Variants in MAP4K5 observed in about 807,000 individuals in gnomAD.
MAP4K5 encodes MAPK/ERK kinase kinase kinase 5.
A neutral mutation model predicts 135.6 loss-of-function variants in MAP4K5; 82 were observed. The observed-to-expected ratio is 0.60, with a 90% confidence interval of 0.51 to 0.73. The LOEUF is 0.73. Ranked by LOEUF, MAP4K5 falls within the 30% of genes least tolerant of loss-of-function variation. MAP4K5 has a pLI of 0.00. For missense variants in MAP4K5, 907 were observed against 1,010.9 expected, an observed-to-expected ratio of 0.90 and a Z score of 1.39; for synonymous variants, 347 against 335.0, an observed-to-expected ratio of 1.04 and a Z score of -0.39.
intron 13 of MAP4K5, among the ~76,000 whole-genome samples, chr14:50,460,498 A>G (rs2036689227): frequency 6.6e-6 from 1 of 152,354 alleles, no homozygotes; most frequent in South Asian, 2.1e-4. Context: ...ATTGGAGAAT[A>G]GAGTAATATC....
Position 50,443,991 on chromosome 14 carries a change from C to T in MAP4K5, c.1385G>A (p.Gly462Glu), listed in dbSNP as rs1445047158. The change falls in exon 19 of 33, where the codon GGA becomes GAA. Residue 462 changes from glycine to glutamate, a missense_variant. This residue lies in a region of MAP4K5 where 690 missense variants were observed against 777.4 expected (regional missense o/e 0.89). Coordinates refer to ENST00000682126, the MANE Select transcript of MAP4K5 (RefSeq NM_006575.6). ...ISKLMSENTE[G>E]SAQAPQLPRK... ...TGGTAACTGTGGTGCTTGTGCTGATCCTTCTGTATTTTCACTCATCAGTTT... is the reference window on the plus strand; with the variant it reads ...TGGTAACTGTGGTGCTTGTGCTGATTCTTCTGTATTTTCACTCATCAGTTT... The T allele has an allele frequency of 1.9e-6, 3 of 1,608,418 alleles. No individual in the cohort carries two copies. The African/African-American group carries it at 4.0e-5, about 21-fold the overall frequency.
intron 31 of MAP4K5, among the ~76,000 whole-genome samples, chr14:50,424,769 A>G (rs2035810625): frequency 6.6e-6 from 1 of 151,892 alleles, no homozygotes. Context: ...TCAATATTTG[A>G]TACAGTAAGA....
chr14:50,504,714 T>G, intron 3 of MAP4K5, 86 bp downstream of exon 3: 1 of 962,532 alleles, frequency 1.0e-6, no homozygotes, highest in Non-Finnish European at 1.6e-6. Flanking sequence ...TGATAGAACA[T>G]ATAAAGACTT....
intron 32 of MAP4K5, 66 bp downstream of exon 32, chr14:50,423,055 C>T (rs1053613702): frequency 2.6e-5 from 18 of 688,290 alleles, no homozygotes; most frequent in Non-Finnish European, 3.7e-5. Flanking sequence ...TACAGACTGA[C>T]AGTATAATTA....
intron 31 of MAP4K5, among the ~76,000 whole-genome samples, chr14:50,423,507 T>C (rs1181922067): frequency 6.6e-6 from 1 of 152,062 alleles, no homozygotes; most frequent in Non-Finnish European, 1.5e-5. Context: ...AAGACTTGAA[T>C]ACAGGTTTGT....
intron 5 of MAP4K5, 98 bp downstream of exon 5, chr14:50,485,480 G>C: frequency 1.3e-6 from 1 of 742,370 alleles, no homozygotes; most frequent in Non-Finnish European, 2.3e-6. Context: ...ATGCAAAATA[G>C]TAAGTCTACC....
chr14:50,470,500 T>C lies in MAP4K5; in HGVS notation c.543-1718A>G, dbSNP rs375484467. Among the ~76,000 whole-genome samples the C allele has an allele frequency of 2.1e-4, 32 of 152,316 alleles. 1 individual carries two copies. The East Asian group carries it at 4.8e-3, about 23-fold the overall frequency. On this transcript the variant is annotated intron_variant, in intron 9 of 32. Transcript: ENST00000682126. ...CTCACCTATATCTTCATTTAACTTTTATTTAACTGATACTTATTGAGGCTT... is the reference window on the plus strand; with the variant it reads ...CTCACCTATATCTTCATTTAACTTTCATTTAACTGATACTTATTGAGGCTT...
At chr14:50,493,126 A>G (rs77564584) in intron 3 of MAP4K5, among the ~76,000 whole-genome samples, 2,635 of 152,204 alleles carry the variant, frequency 0.017, 72 homozygotes, top group African/African-American at 0.06. Context: ...TCAAGAGACA[A>G]GGTCTTGCTG....
At chr14:50,459,750 T>C (rs1174367934) in intron 13 of MAP4K5, among the ~76,000 whole-genome samples, 1 of 150,940 alleles carries the variant, frequency 6.6e-6, no homozygotes, top group Non-Finnish European at 1.5e-5. Context: ...CAGGTTGGAG[T>C]GCAGTGGCGC....
At chr14:50,436,136 C>A (rs1218531147) in intron 26 of MAP4K5, among the ~76,000 whole-genome samples, 1 of 152,150 alleles carries the variant, frequency 6.6e-6, no homozygotes, top group Non-Finnish European at 1.5e-5. Context: ...AAGTTAGGAA[C>A]TTAAGATCTG....
chr14:50,447,210 A>T (rs2036374150), intron 16 of MAP4K5, among the ~76,000 whole-genome samples: 1 of 152,208 alleles, frequency 6.6e-6, no homozygotes, highest in Non-Finnish European at 1.5e-5. Flanking sequence ...ATTACATAGC[A>T]TATTCTGATT....
intron 9 of MAP4K5, among the ~76,000 whole-genome samples, chr14:50,473,634 C>G (rs927916497): frequency 6.6e-6 from 1 of 150,676 alleles, no homozygotes; most frequent in African/African-American, 2.5e-5. Context: ...TCAGCATTTC[C>G]TTTTAAGGTT....
intron 3 of MAP4K5, among the ~76,000 whole-genome samples, chr14:50,502,815 T>C (rs950593398): frequency 2.0e-5 from 3 of 152,106 alleles, no homozygotes; most frequent in Non-Finnish European, 4.4e-5. Context: ...ACTTCAAATC[T>C]GTGGATAAGA....
At chr14:50,488,527 A>G (rs2037417181) in intron 3 of MAP4K5, among the ~76,000 whole-genome samples, 1 of 152,202 alleles carries the variant, frequency 6.6e-6, no homozygotes, top group Non-Finnish European at 1.5e-5. Flanking sequence ...TTCACATAAT[A>G]TGGTGCCTAA....
At chr14:50,514,787 G>T (rs1008203977) in intron 2 of MAP4K5, among the ~76,000 whole-genome samples, 1 of 152,068 alleles carries the variant, frequency 6.6e-6, no homozygotes, top group Non-Finnish European at 1.5e-5. Flanking sequence ...TGCATTAAGG[G>T]AATATAAAGA....
intron 21 of MAP4K5, 58 bp downstream of exon 21, chr14:50,442,674 A>C: frequency 8.5e-7 from 1 of 1,179,504 alleles, no homozygotes; most frequent in East Asian, 2.4e-5. Context: ...CTGATCATAA[A>C]GATCTTTCCC....
intron 1 of MAP4K5, among the ~76,000 whole-genome samples, chr14:50,552,177 C>A (rs2140161438): frequency 6.6e-6 from 1 of 152,212 alleles, no homozygotes; most frequent in South Asian, 2.1e-4. Context: ...GATACAAAAT[C>A]AATGTACACA....
intron 2 of MAP4K5, among the ~76,000 whole-genome samples, chr14:50,512,775 C>A (rs1038228104): frequency 1.3e-5 from 2 of 152,080 alleles, no homozygotes; most frequent in African/African-American, 2.4e-5. Flanking sequence ...TATACAAATT[C>A]GCGCTATAAT....
At chr14:50,510,911 A>T (rs957027808) in intron 2 of MAP4K5, among the ~76,000 whole-genome samples, 3 of 152,190 alleles carry the variant, frequency 2.0e-5, no homozygotes, top group African/African-American at 7.2e-5. Context: ...AAAGCTAAAC[A>T]TAGTCTTACC....
Sources: gnomAD v4.1 joint callset for allele counts (sites outside exome capture counted in the v4.1 genomes callset) on GRCh38, gnomAD v4.1.1 for gene constraint, gnomAD v4.1.1 regional missense constraint, MANE v1.5 for transcripts, NCBI Gene and HGNC (gene_info 2026-07-23, HGNC 2026-07-21) for gene names.